STX6: variants seen among roughly 807,000 people sequenced by gnomAD.
STX6 encodes syntaxin 6, also known as syntaxin-6.
In STX6, 23 loss-of-function variants were observed where a neutral mutation model predicts 38.0. The observed-to-expected ratio is 0.60, with a 90% CI of 0.43 to 0.86. The LOEUF (loss-of-function observed/expected upper bound fraction) is 0.86, where lower values mean the gene tolerates loss of function less well. Ranked by LOEUF, STX6 falls within the 40% of genes least tolerant of loss-of-function variation. The probability of loss-of-function intolerance (pLI) is 0.00; values close to 1 mark genes in which losing one functional copy is unlikely to be tolerated. For missense variants in STX6, 274 were observed against 312.9 expected (o/e 0.88, Z 0.94); for synonymous variants, 123 against 107.5 (o/e 1.14, Z -0.89).
chr1:180,984,822 G>C, intron 6 of STX6, 51 bp from the exon 7 acceptor site: 1 of 837,174 alleles, frequency 1.2e-6, no homozygotes. Flanking sequence ...AGCCTTGGCA[G>C]TGCACTTGCA....
intron 2 of STX6, among the ~76,000 whole-genome samples, chr1:181,003,751 A>G (rs141566871): frequency 6.6e-6 from 1 of 152,324 alleles, no homozygotes; most frequent in East Asian, 1.9e-4. Flanking sequence ...TCTTCCATCT[A>G]AAGTTTTGGT....
intron 7 of STX6, among the ~76,000 whole-genome samples, 194 bp from the exon 8 acceptor site, chr1:180,976,840 T>C (rs989697791): frequency 1.1e-4 from 16 of 152,210 alleles, no homozygotes; most frequent in African/African-American, 3.4e-4. Flanking sequence ...TCGCATGCAG[T>C]CACAACTTTG....
At chr1:181,011,334 G>C (rs1007784274) in intron 1 of STX6, among the ~76,000 whole-genome samples, 3 of 152,122 alleles carry the variant, frequency 2.0e-5, no homozygotes, top group Non-Finnish European at 4.4e-5. Flanking sequence ...CAAGCAAAGA[G>C]GTCTCTCTAA....
At chr1:180,987,310 G>T (rs1221895196) in intron 6 of STX6, among the ~76,000 whole-genome samples, 1 of 152,162 alleles carries the variant, frequency 6.6e-6, no homozygotes, top group South Asian at 2.1e-4. Context: ...AGGGACCTTG[G>T]GCTAAGTCAG....
At chr1:180,985,941 G>A (rs761673044) in intron 6 of STX6, among the ~76,000 whole-genome samples, 3 of 152,186 alleles carry the variant, frequency 2.0e-5, no homozygotes, top group Non-Finnish European at 4.4e-5. Flanking sequence ...TTACATATAT[G>A]TTGACAACTA....
At chr1:181,014,412 AAAAG>A (rs1656498343) in intron 1 of STX6, among the ~76,000 whole-genome samples, 1 of 152,096 alleles carries the variant, frequency 6.6e-6, no homozygotes, top group Non-Finnish European at 1.5e-5. Flanking sequence ...AAAAGAAAAA[AAAAG>A]AAAGAAAAGC....
At chr1:181,003,024 C>T (rs550640376) in intron 2 of STX6, among the ~76,000 whole-genome samples, 1 of 152,304 alleles carries the variant, frequency 6.6e-6, no homozygotes, top group Admixed American at 6.5e-5. Context: ...CCTTTTTTGA[C>T]TCCTGATCAC....
At chr1:181,015,010 TA>T (rs1656515343) in intron 1 of STX6, among the ~76,000 whole-genome samples, 1 of 152,220 alleles carries the variant, frequency 6.6e-6, no homozygotes, top group Admixed American at 6.5e-5. Context: ...CACTTGACAC[TA>T]TGGCCCATTA....
At chr1:181,001,728 G>C (rs112703006) in intron 3 of STX6, among the ~76,000 whole-genome samples, 3 of 152,154 alleles carry the variant, frequency 2.0e-5, no homozygotes, top group Admixed American at 1.3e-4. Flanking sequence ...TGTTTTGTTC[G>C]TCAAGAAATA....
intron 3 of STX6, among the ~76,000 whole-genome samples, chr1:181,001,370 T>C (rs1212577409): frequency 6.6e-6 from 1 of 152,216 alleles, no homozygotes; most frequent in African/African-American, 2.4e-5. Flanking sequence ...TCAAATGGCT[T>C]AGCCATATAG....
intron 1 of STX6, among the ~76,000 whole-genome samples, chr1:181,021,006 G>A (rs961606088): frequency 2.6e-5 from 4 of 152,100 alleles, no homozygotes; most frequent in African/African-American, 9.7e-5. Flanking sequence ...AAAGATAGGA[G>A]CTAAAATGAT....
chr1:181,009,041 G>A (rs115515974), intron 1 of STX6, among the ~76,000 whole-genome samples: 1,585 of 152,004 alleles, frequency 0.01, 22 homozygotes, highest in African/African-American at 0.036. Flanking sequence ...AATGCTTCAC[G>A]CAAACTTCCA....
chr1:180,977,397 C>T (rs1008025968), intron 7 of STX6, among the ~76,000 whole-genome samples: 2 of 152,224 alleles, frequency 1.3e-5, no homozygotes, highest in African/African-American at 4.8e-5. Context: ...CTGCAGCTCA[C>T]AATCCTGTGG....
rs144112412 is a variant in STX6, at chr1:180,999,224, G to A, written c.300+3382C>T. 1.5e-3 allele frequency among the ~76,000 whole-genome samples: 225 copies of A among 152,302 alleles called. 1 individual carries two copies. Among genetic ancestry groups the A allele is most frequent in the Middle Eastern group, 3.4e-3 (1 of 294 alleles). ...ATTTCATAGATAAAACTGAGATCCA[G>A]GGAGGTTGAATGACTTACCATGGTT... is the stretch of plus-strand genomic sequence containing the variant. On this transcript the variant is annotated intron_variant, in intron 3 of 7. Transcript: ENST00000258301.
chr1:181,006,020 C>T (rs1406798939), intron 1 of STX6, among the ~76,000 whole-genome samples: 1 of 151,992 alleles, frequency 6.6e-6, no homozygotes, highest in Non-Finnish European at 1.5e-5. Context: ...TTAAATATAC[C>T]TACTTTCCTT....
At chr1:180,980,216 A>C (rs1655365682) in intron 7 of STX6, among the ~76,000 whole-genome samples, 1 of 151,440 alleles carries the variant, frequency 6.6e-6, no homozygotes, top group Admixed American at 6.6e-5. Context: ...CAAAAAAAAA[A>C]AAAAAAACAC....
chr1:180,994,526 T>C (rs1018498113), intron 3 of STX6, among the ~76,000 whole-genome samples: 1 of 152,210 alleles, frequency 6.6e-6, no homozygotes, highest in Non-Finnish European at 1.5e-5. Context: ...AAAGATGCAG[T>C]TCCCCTGGAT....
At chr1:181,022,531 C>T (rs1656769093) in intron 1 of STX6, 108 bp downstream of exon 1, 3 of 1,165,610 alleles carry the variant, frequency 2.6e-6, no homozygotes. Flanking sequence ...TGTTCCCCCT[C>T]CCCAGCTCCA....
chr1:180,985,930 G>GAT (rs1655568440), intron 6 of STX6, among the ~76,000 whole-genome samples: 1 of 152,198 alleles, frequency 6.6e-6, no homozygotes, highest in African/African-American at 2.4e-5. Context: ...TAAATCAACT[G>GAT]TTACATATAT....
Sources: gnomAD v4.1 joint callset for allele counts (sites outside exome capture counted in the v4.1 genomes callset) on GRCh38, gnomAD v4.1.1 for gene constraint, MANE v1.5 for transcripts, NCBI Gene and HGNC (gene_info 2026-07-23, HGNC 2026-07-21) for gene names.